SSBP3: variants seen among roughly 807,000 people sequenced by gnomAD.
SSBP3 encodes single-stranded DNA-binding protein 3.
Under a neutral mutation model 69.6 loss-of-function variants are expected in SSBP3, and 5 were observed. The ratio of observed to expected loss-of-function variants is 0.07; its 90% CI spans 0.04 to 0.15. The LOEUF (loss-of-function observed/expected upper bound fraction) is 0.15. Ranked by LOEUF, SSBP3 falls within the 10% of genes least tolerant of loss-of-function variation. SSBP3 has a pLI of 1.00. For missense variants in SSBP3, 312 were observed against 534.0 expected (o/e 0.58, Z 4.10); for synonymous variants, 196 against 193.4 (o/e 1.01, Z -0.11).
chr1:54,333,231 C>CAT (rs935211629), intron 4 of SSBP3, among the ~76,000 whole-genome samples: 3 of 152,180 alleles, frequency 2.0e-5, no homozygotes, highest in Non-Finnish European at 4.4e-5. Flanking sequence ...AAAGGATTTT[C>CAT]ATAACCTCAT....
chr1:54,244,110 T>C (rs1017000942), intron 9 of SSBP3, among the ~76,000 whole-genome samples: 8 of 152,132 alleles, frequency 5.3e-5, no homozygotes, highest in African/African-American at 1.7e-4. Context: ...TCGATGATTT[T>C]TTTTTTTTTG....
At chr1:54,380,468 G>A (rs973808379) in intron 4 of SSBP3, among the ~76,000 whole-genome samples, 4 of 152,208 alleles carry the variant, frequency 2.6e-5, no homozygotes, top group Admixed American at 2.6e-4. Flanking sequence ...AAAGAACGCC[G>A]TGCCGACACA....
intron 4 of SSBP3, among the ~76,000 whole-genome samples, chr1:54,303,046 T>C (rs1645831620): frequency 6.6e-6 from 1 of 152,254 alleles, no homozygotes; most frequent in Non-Finnish European, 1.5e-5. Context: ...ACTGCCAGGC[T>C]AGCGGTATTA....
chr1:54,308,940 C>T (rs568872239), intron 4 of SSBP3, among the ~76,000 whole-genome samples: 5 of 152,202 alleles, frequency 3.3e-5, no homozygotes, highest in East Asian at 1.9e-4. Flanking sequence ...AAGGCAATCT[C>T]TGCAGAAAAA....
Position 54,235,609 on chromosome 1 carries a change from C to T in SSBP3, c.927+3520G>A, listed in dbSNP as rs143644844. Among the ~76,000 whole-genome samples, 99 of 151,950 alleles carry T rather than the reference C, an allele frequency of 6.5e-4. 1 individual carries two copies. Among genetic ancestry groups the T allele is most frequent in the African/African-American group, 1.9e-3 (78 of 41,436 alleles). On this transcript the variant is annotated intron_variant, in intron 14 of 17. Coordinates refer to ENST00000610401, the Ensembl canonical transcript of SSBP3. ...CTGGGATTACAGGCACCAGCCACCA[C>T]GCCTGGCTAATTTTCGTATTTTTAG... is the stretch of plus-strand genomic sequence containing the variant.
At position 54,273,563 on chromosome 1, in the gene SSBP3, A is replaced by G. The variant is rs115171425; in HGVS notation, c.366+7875T>C. On this transcript the variant is annotated intron_variant, in intron 5 of 17. Coordinates refer to ENST00000610401, the Ensembl canonical transcript of SSBP3. ...GAGCACAGCCTGACCTTTGCAGGGG[A>G]GGTGTTGGCAAGCAAAAAAAGGCTT... 7.9e-3 allele frequency among the ~76,000 whole-genome samples: 1,205 copies of G among 152,198 alleles called. 20 individuals carry two copies. The highest frequency in any genetic ancestry group is 0.028 in the African/African-American group (1,149 of 41,510).
chr1:54,312,281 ACT>A (rs1344194766), intron 4 of SSBP3, among the ~76,000 whole-genome samples: 1 of 147,778 alleles, frequency 6.8e-6, no homozygotes, highest in Non-Finnish European at 1.5e-5. Context: ...AGGGTGAGAT[ACT>A]CTCTCTTTAA....
intron 5 of SSBP3, among the ~76,000 whole-genome samples, chr1:54,270,625 G>A (rs545595341): frequency 1.1e-4 from 16 of 152,184 alleles, no homozygotes; most frequent in Non-Finnish European, 1.6e-4. Flanking sequence ...CCTGGAAAGA[G>A]GAGAAACCCT....
chr1:54,344,126 A>G (rs148297641), intron 4 of SSBP3, among the ~76,000 whole-genome samples: 11 of 152,322 alleles, frequency 7.2e-5, no homozygotes, highest in Admixed American at 2.0e-4. Flanking sequence ...CAGTGGACTG[A>G]CATTACCCTA....
At chr1:54,332,365 T>G (rs1646432184) in intron 4 of SSBP3, among the ~76,000 whole-genome samples, 1 of 152,082 alleles carries the variant, frequency 6.6e-6, no homozygotes, top group Admixed American at 6.6e-5. Flanking sequence ...AGGGAGCTGC[T>G]GGGAGGGGTG....
At chr1:54,349,136 C>T (rs1646739577) in intron 4 of SSBP3, among the ~76,000 whole-genome samples, 1 of 152,180 alleles carries the variant, frequency 6.6e-6, no homozygotes, top group South Asian at 2.1e-4. Flanking sequence ...ATATAAAACA[C>T]CCAGCATAAT....
At chr1:54,406,044 G>GCCGCCA (rs927231889) in exon 1 of SSBP3, 3 of 1,404,602 alleles carry the variant, frequency 2.1e-6, no homozygotes, top group East Asian at 3.2e-5. Flanking sequence ...CCTCGCCGCC[G>GCCGCCA]CCGCCGCCGC....
At chr1:54,283,272 TAAAAAAAA>T (rs60875737) in intron 4 of SSBP3, among the ~76,000 whole-genome samples, 1 of 126,574 alleles carries the variant, frequency 7.9e-6, no homozygotes. Flanking sequence ...CCCCATCTCA[TAAAAAAAA>T]AAAAAAAAAA....
At chr1:54,384,277 A>G (rs1570010913) in intron 4 of SSBP3, among the ~76,000 whole-genome samples, 1 of 152,314 alleles carries the variant, frequency 6.6e-6, no homozygotes, top group East Asian at 1.9e-4. Flanking sequence ...TCAAAGACCT[A>G]CTTCAGAAAA....
intron 4 of SSBP3, among the ~76,000 whole-genome samples, chr1:54,316,083 G>A (rs900396279): frequency 6.6e-6 from 1 of 152,050 alleles, no homozygotes; most frequent in African/African-American, 2.4e-5. Context: ...GGTGGCTCAC[G>A]CCTGTAATCC....
At chr1:54,272,665 C>A (rs1468776231) in intron 5 of SSBP3, among the ~76,000 whole-genome samples, 1 of 152,172 alleles carries the variant, frequency 6.6e-6, no homozygotes, top group Non-Finnish European at 1.5e-5. Context: ...CTCGTGGGGG[C>A]AGAGGGAGCA....
rs527889871 is a variant in SSBP3, at chr1:54,233,268, C to T, written c.928-4442G>A. On this transcript the variant is annotated intron_variant, in intron 14 of 17. Transcript: ENST00000610401. The stretch of plus-strand genomic sequence containing the variant: ...GATGTGAGGAGCGCCTCTGCCCGGC[C>T]GCGACCCCATCTGGGATGTGAGGAG... Among the ~76,000 whole-genome samples the T allele has an allele frequency of 1.6e-3, 241 of 150,930 alleles. 2 individuals are homozygous for T. The highest frequency in any genetic ancestry group is 5.4e-3 in the African/African-American group (220 of 41,002).
intron 3 of SSBP3, 35 bp from the exon 4 acceptor site, chr1:54,401,980 T>C (rs576852613): frequency 6.3e-7 from 1 of 1,585,374 alleles, no homozygotes; most frequent in Non-Finnish European, 8.7e-7. Context: ...GTCAGGTTAC[T>C]AATTATTACT....
At chr1:54,357,625 C>T (rs976084918) in intron 4 of SSBP3, among the ~76,000 whole-genome samples, 2 of 152,218 alleles carry the variant, frequency 1.3e-5, no homozygotes, top group East Asian at 1.9e-4. Context: ...TCCTAAGCTG[C>T]GCACAGCAGT....
Sources: gnomAD v4.1 joint callset for allele counts (sites outside exome capture counted in the v4.1 genomes callset) on GRCh38, gnomAD v4.1.1 for gene constraint, MANE v1.5 for transcripts, NCBI Gene and HGNC (gene_info 2026-07-23, HGNC 2026-07-21) for gene names.